Variants in EEIG1 observed in about 807,000 individuals in gnomAD.
EEIG1 encodes estrogen-induced osteoclastogenesis regulator 1.
chr9:127,964,651 C>T, the EEIG1 span, among the ~76,000 whole-genome samples: 12 of 152,358 alleles, frequency 7.9e-5, no homozygotes, highest in African/African-American at 2.2e-4. Flanking sequence ...GCCTGACCCA[C>T]GTCCACTCTC....
the EEIG1 span, chr9:127,947,998 G>A: frequency 4.6e-6 from 7 of 1,507,516 alleles, no homozygotes; most frequent in African/African-American, 6.9e-5. Context: ...TCTCCCTGGG[G>A]ACCTGGGCAT....
chr9:127,944,925 C>T, the EEIG1 span: 1 of 1,604,866 alleles, frequency 6.2e-7, no homozygotes, highest in Non-Finnish European at 8.5e-7. Flanking sequence ...GGGGACAAGT[C>T]ACAACGGTCA....
At chr9:127,966,860 C>G in the EEIG1 span, among the ~76,000 whole-genome samples, 1 of 152,232 alleles carries the variant, frequency 6.6e-6, no homozygotes, top group Non-Finnish European at 1.5e-5. Context: ...CGCTGCAGGT[C>G]ACATGGGAGG....
At chr9:127,958,491 C>T in the EEIG1 span, among the ~76,000 whole-genome samples, 2 of 151,714 alleles carry the variant, frequency 1.3e-5, no homozygotes, top group South Asian at 4.2e-4. Flanking sequence ...ACAACAAGAC[C>T]CCATCTCTAC....
chr9:127,958,176 G>A, the EEIG1 span, among the ~76,000 whole-genome samples: 8 of 152,178 alleles, frequency 5.3e-5, no homozygotes, highest in South Asian at 1.7e-3. Context: ...TGGTGCACAG[G>A]GCTATCTCAT....
At chr9:127,967,501 C>T in the EEIG1 span, among the ~76,000 whole-genome samples, 1 of 152,238 alleles carries the variant, frequency 6.6e-6, no homozygotes, top group Non-Finnish European at 1.5e-5. Context: ...GGCTCCCATG[C>T]CAGGGTTGGA....
the EEIG1 span, among the ~76,000 whole-genome samples, chr9:127,956,557 C>T: frequency 5.9e-5 from 9 of 151,364 alleles, no homozygotes; most frequent in East Asian, 1.8e-3. Flanking sequence ...ATTACAGGTG[C>T]CCACCACCAA....
At chr9:127,971,649 T>G in the EEIG1 span, among the ~76,000 whole-genome samples, 1 of 152,040 alleles carries the variant, frequency 6.6e-6, no homozygotes, top group Non-Finnish European at 1.5e-5. Context: ...ACCAGGACAG[T>G]GCCAACCCAC....
the EEIG1 span, chr9:127,948,156 A>G: frequency 2.6e-4 from 422 of 1,613,888 alleles, 7 homozygotes; most frequent in South Asian, 4.5e-3. Flanking sequence ...TGGTCCCACC[A>G]CCCTTACACG....
chr9:127,943,427 G>C, the EEIG1 span: 2 of 615,770 alleles, frequency 3.2e-6, no homozygotes, highest in Non-Finnish European at 5.8e-6. Flanking sequence ...AAGCATCAGA[G>C]TCTGTGGGGC....
At chr9:127,962,235 G>T in the EEIG1 span, among the ~76,000 whole-genome samples, 4 of 152,206 alleles carry the variant, frequency 2.6e-5, no homozygotes, top group Non-Finnish European at 5.9e-5. Context: ...ACAGAAAACA[G>T]GAGATGCCCA....
chr9:127,973,912 G>T, the EEIG1 span, among the ~76,000 whole-genome samples: 12 of 152,280 alleles, frequency 7.9e-5, no homozygotes, highest in East Asian at 2.1e-3. The surrounding 1 kb of genome is among the most constrained non-coding windows in gnomAD (Gnocchi z 4.2). Flanking sequence ...GGCAGCCCAC[G>T]TCAAGAGGCA....
At chr9:127,961,345 C>T in the EEIG1 span, among the ~76,000 whole-genome samples, 426 of 152,196 alleles carry the variant, frequency 2.8e-3, 1 homozygote, top group African/African-American at 9.5e-3. Context: ...TGAACACAGG[C>T]TCAGGCAGGG....
At chr9:127,965,762 G>A in the EEIG1 span, among the ~76,000 whole-genome samples, 2 of 152,260 alleles carry the variant, frequency 1.3e-5, no homozygotes, top group African/African-American at 4.8e-5. Context: ...CTTCCCCGAA[G>A]AGAAGAGAAT....
At chr9:127,945,728 G>T in the EEIG1 span, 1 of 1,577,624 alleles carries the variant, frequency 6.3e-7, no homozygotes, top group East Asian at 2.3e-5. The surrounding 1 kb of genome is among the most constrained non-coding windows in gnomAD (Gnocchi z 6.5). Flanking sequence ...GGCTGGACAG[G>T]TTCTGGTCGG....
the EEIG1 span, chr9:127,953,668 C>A: frequency 6.2e-7 from 1 of 1,606,802 alleles, no homozygotes; most frequent in Non-Finnish European, 8.5e-7. Flanking sequence ...TCATGCATCT[C>A]CCACAATCCC....
At chr9:127,947,947 A>G in the EEIG1 span, 3 of 1,129,080 alleles carry the variant, frequency 2.7e-6, no homozygotes, top group South Asian at 4.4e-5. Context: ...CAGCAGGAGC[A>G]TGCAAACACC....
chr9:127,976,358 A>AAT, the EEIG1 span, among the ~76,000 whole-genome samples: 1 of 152,236 alleles, frequency 6.6e-6, no homozygotes, highest in East Asian at 1.9e-4. The surrounding 1 kb of genome is among the most constrained non-coding windows in gnomAD (Gnocchi z 4.1). Flanking sequence ...CAGGGCCTCA[A>AAT]ATAATCATCT....
chr9:127,942,562 T>C, the EEIG1 span: 1 of 155,062 alleles, frequency 6.4e-6, no homozygotes, highest in South Asian at 1.9e-4. Flanking sequence ...GGCAGGGGTC[T>C]CGATCTGGAG....
Sources: allele counts gnomAD v4.1 joint callset (sites outside exome capture counted in the v4.1 genomes callset), GRCh38; gene constraint gnomAD v4.1.1; non-coding constraint Gnocchi (gnomAD v3.1); transcripts MANE v1.5; gene names NCBI Gene and HGNC (gene_info 2026-07-23, HGNC 2026-07-21).